Variants in NCALD observed in about 807,000 individuals in gnomAD.
NCALD encodes the protein neurocalcin delta.
A neutral mutation model predicts 18.6 loss-of-function variants in NCALD; 10 were observed. The ratio of observed to expected loss-of-function variants is 0.54; its 90% CI spans 0.33 to 0.91. The LOEUF (loss-of-function observed/expected upper bound fraction) is 0.91, where lower values mean the gene tolerates loss of function less well. Ranked by LOEUF, NCALD falls within the 40% of genes least tolerant of loss-of-function variation. The probability of loss-of-function intolerance (pLI) is 0.03; values close to 1 mark genes in which losing one functional copy is unlikely to be tolerated. For synonymous variants in NCALD, 88 were observed against 87.4 expected, an observed-to-expected ratio of 1.01 and a Z score of -0.04; for missense variants, 184 against 247.6, an observed-to-expected ratio of 0.74 and a Z score of 1.72.
intron 3 of NCALD, among the ~76,000 whole-genome samples, chr8:101,907,900 C>T (rs945637674): frequency 6.6e-6 from 1 of 152,182 alleles, no homozygotes; most frequent in African/African-American, 2.4e-5. Flanking sequence ...TTCATAATAG[C>T]TACGTGCCTC....
At chr8:101,791,745 T>C (rs1262542099), upstream of NCALD, among the ~76,000 whole-genome samples, 2 of 152,144 alleles carry the variant, frequency 1.3e-5, no homozygotes, top group Non-Finnish European at 2.9e-5. Context: ...AAAACTGTGC[T>C]TTGGGGCCAT....
At position 102,021,523 on chromosome 8, in the gene NCALD, T is replaced by A. The variant is rs558512808; in HGVS notation, c.-209-1234A>T. Among the ~76,000 whole-genome samples the A allele has an allele frequency of 3.3e-5, 5 of 152,280 alleles. No individual in the cohort carries two copies. In the South Asian group the frequency reaches 8.3e-4, roughly 25 times the overall value. On this transcript the variant is annotated intron_variant, in intron 1 of 6. Coordinates refer to the NCALD transcript ENST00000311028. ...GGAAAATATAAAGGTATAAGTGAAA[T>A]AAATTGGCTTACGTATTCACATCCA... is the stretch of plus-strand genomic sequence containing the variant.
At chr8:101,917,873 G>T (rs1818026560) in intron 2 of NCALD, among the ~76,000 whole-genome samples, 1 of 152,124 alleles carries the variant, frequency 6.6e-6, no homozygotes, top group Non-Finnish European at 1.5e-5. Context: ...GGACTAGATG[G>T]ATTCACAGCC....
rs532265006 is a variant in NCALD at position 102,060,137 on chromosome 8, T to C, written c.-209-39848A>G. The stretch of plus-strand genomic sequence containing the variant: ...CTGGAACTACAGGCATGTGCCACCA[T>C]GCCTGGCTAATTTTTTTGTATTTTC... On this transcript the variant is annotated intron_variant, in intron 1 of 6. Coordinates refer to the NCALD transcript ENST00000311028. 3.5e-4 allele frequency among the ~76,000 whole-genome samples: 53 copies of C among 152,232 alleles called. 1 individual carries two copies. In the South Asian group the frequency reaches 6.2e-3, roughly 18 times the overall value.
intron 2 of NCALD, among the ~76,000 whole-genome samples, chr8:101,951,429 T>C (rs1175236973): frequency 6.6e-6 from 1 of 152,096 alleles, no homozygotes; most frequent in Non-Finnish European, 1.5e-5. Context: ...CGGAAGAATT[T>C]AGAGAAGAGG....
intron 4 of NCALD, among the ~76,000 whole-genome samples, chr8:101,828,526 G>T (rs1403594415): frequency 1.3e-5 from 2 of 150,376 alleles, no homozygotes; most frequent in African/African-American, 4.9e-5. Context: ...AGTTAAAATT[G>T]CAATGTATTC....
chr8:102,034,015 TACACACACACAC>T (rs34381236), intron 1 of NCALD, among the ~76,000 whole-genome samples: 3 of 147,892 alleles, frequency 2.0e-5, no homozygotes, highest in African/African-American at 5.0e-5. Flanking sequence ...TCCCTCTAAA[TACACACACACAC>T]ACACACACAC....
At chr8:101,953,820 A>G (rs1183254697) in intron 2 of NCALD, among the ~76,000 whole-genome samples, 1 of 152,272 alleles carries the variant, frequency 6.6e-6, no homozygotes, top group Non-Finnish European at 1.5e-5. Flanking sequence ...GGTAATGGGA[A>G]TTCCCAAATT....
upstream of NCALD, among the ~76,000 whole-genome samples, chr8:101,794,520 C>A (rs918054978): frequency 6.6e-6 from 1 of 152,160 alleles, no homozygotes. Context: ...CCTACTCATA[C>A]ATAAATAAAT....
intron 1 of NCALD, among the ~76,000 whole-genome samples, chr8:102,077,975 T>A (rs1483246538): frequency 2.0e-5 from 3 of 152,156 alleles, no homozygotes; most frequent in African/African-American, 7.2e-5. Flanking sequence ...TCTCCCCTGC[T>A]CCAGATTCAA....
chr8:101,717,726 C>T (rs762806887), intron 2 of NCALD, among the ~76,000 whole-genome samples: 1 of 151,994 alleles, frequency 6.6e-6, no homozygotes, highest in East Asian at 1.9e-4. Flanking sequence ...AAGCTTCCTG[C>T]GGCAGTGACA....
rs1814582059 is a variant in NCALD at position 101,688,946 on chromosome 8, T to C, written c.*363A>G. 3 of 643,504 alleles carry C rather than the reference T, an allele frequency of 4.7e-6. No individual in the cohort carries two copies. The highest frequency in any genetic ancestry group is 5.0e-5 in the Admixed American group (2 of 39,920). 39.9% of individuals were successfully genotyped at this position (643,504 alleles called of 1,614,324 possible). On this transcript the variant is annotated 3_prime_UTR_variant, in exon 4 of 4. Coordinates refer to ENST00000220931, the MANE Select transcript of NCALD (RefSeq NM_032041.3). ...TTTTGTCTTTCAAACAAAAGCCCCT[T>C]GAAGCTTGCAATAGAATCACAGGAC...
intron 4 of NCALD, among the ~76,000 whole-genome samples, chr8:101,842,832 G>A (rs1563818925): frequency 6.6e-6 from 1 of 152,220 alleles, no homozygotes; most frequent in Non-Finnish European, 1.5e-5. Context: ...GGTGGCTTGA[G>A]ATAGCTGTTG....
intron 4 of NCALD, among the ~76,000 whole-genome samples, chr8:101,868,597 T>A (rs1815874565): frequency 6.6e-6 from 1 of 152,178 alleles, no homozygotes; most frequent in Admixed American, 6.5e-5. Context: ...CATAGGAGCA[T>A]AATTTTGTGA....
At chr8:101,716,375 G>T (rs371584114) in intron 2 of NCALD, among the ~76,000 whole-genome samples, 1 of 151,996 alleles carries the variant, frequency 6.6e-6, no homozygotes, top group Non-Finnish European at 1.5e-5. Context: ...TGTAAATGAC[G>T]GGTTGATGGG....
chr8:101,976,618 T>G (rs1820432874), intron 2 of NCALD, among the ~76,000 whole-genome samples: 1 of 152,232 alleles, frequency 6.6e-6, no homozygotes, highest in Admixed American at 6.5e-5. Context: ...TTGAAGCTTT[T>G]TTTATGGTTT....
At chr8:101,821,245 A>G (rs1813706455) in intron 4 of NCALD, among the ~76,000 whole-genome samples, 2 of 152,364 alleles carry the variant, frequency 1.3e-5, no homozygotes, top group South Asian at 4.1e-4. Flanking sequence ...AGTAGTGATC[A>G]AATTGATTTT....
At chr8:101,897,282 C>T (rs1319540421) in intron 3 of NCALD, among the ~76,000 whole-genome samples, 7 of 148,912 alleles carry the variant, frequency 4.7e-5, no homozygotes, top group South Asian at 2.2e-4. Flanking sequence ...AACCAAACAC[C>T]GCATATTCTC....
At position 101,832,750 on chromosome 8, in the gene NCALD, T is replaced by A. The variant is rs145644581; in HGVS notation, c.-20+54391A>T. On this transcript the variant is annotated intron_variant, in intron 4 of 6. Coordinates refer to the NCALD transcript ENST00000311028. ...ATAGTGAAAATGCCAACATAAATAT[T>A]GTGGGCTTTGCCCTCCAGCTTTCTT... 1.8e-3 allele frequency among the ~76,000 whole-genome samples: 278 copies of A among 152,328 alleles called. 1 individual carries two copies. The highest frequency in any genetic ancestry group is 5.0e-3 in the Admixed American group (77 of 15,310).
Sources: allele counts gnomAD v4.1 joint callset (sites outside exome capture counted in the v4.1 genomes callset), GRCh38; gene constraint gnomAD v4.1.1; transcripts MANE v1.5; gene names NCBI Gene and HGNC (gene_info 2026-07-23, HGNC 2026-07-21).